NEBL: variants seen among roughly 807,000 people sequenced by gnomAD.
The protein encoded by NEBL is nebulette.
Under a neutral mutation model 140.2 loss-of-function variants are expected in NEBL, and 122 were observed. The observed-to-expected ratio is 0.87, with a 90% CI of 0.75 to 1.01. The LOEUF is 1.01. Ranked by LOEUF, NEBL falls within the 50% of genes least tolerant of loss-of-function variation. The pLI is 0.00. For missense variants in NEBL, 1,365 were observed against 1,231.3 expected (o/e 1.11, Z -1.62); for synonymous variants, 436 against 398.9 (o/e 1.09, Z -1.11).
rs559740992 is a variant in NEBL, at chr10:21,164,105, T to C, written c.164+8278A>G. 1.2e-4 allele frequency among the ~76,000 whole-genome samples: 18 copies of C among 152,336 alleles called. No homozygotes were observed. In the South Asian group the frequency reaches 2.3e-3, roughly 19 times the overall value. On this transcript the variant is annotated intron_variant, in intron 2 of 6. Transcript: ENST00000417816. The stretch of plus-strand genomic sequence containing the variant: ...TGAATTCAAATAGCCAACCTGAGCA[T>C]GGAAGAAATCAATAATAATCATTTT...
chr10:20,953,725 C>A (rs1286804011), intron 4 of NEBL, among the ~76,000 whole-genome samples: 2 of 151,674 alleles, frequency 1.3e-5, no homozygotes, highest in Non-Finnish European at 2.9e-5. Flanking sequence ...TATCAAGCAG[C>A]ACCAAAAAGA....
intron 2 of NEBL, among the ~76,000 whole-genome samples, chr10:21,036,886 A>C (rs1296035160): frequency 6.6e-6 from 1 of 152,114 alleles, no homozygotes; most frequent in Admixed American, 6.5e-5. Flanking sequence ...AACACTACTC[A>C]AGCGTAGAAT....
Position 21,146,468 on chromosome 10 carries a change from A to G in NEBL, c.164+25915T>C, listed in dbSNP as rs145410692. 4.0e-5 allele frequency: 65 copies of G among 1,613,936 alleles called. No homozygotes were observed. The Middle Eastern group carries it at 8.3e-4, about 20-fold the overall frequency. On this transcript the variant is annotated intron_variant, in intron 2 of 6. Transcript: ENST00000417816. ...AATATCTTCAGAAATTTCAGGTGCCATGCTTTCCATAGAGTAGATTCTTCT... is the reference window on the plus strand; with the variant it reads ...AATATCTTCAGAAATTTCAGGTGCCGTGCTTTCCATAGAGTAGATTCTTCT...
upstream of NEBL, among the ~76,000 whole-genome samples, chr10:21,179,330 C>A (rs1026367774): frequency 1.3e-5 from 2 of 152,148 alleles, no homozygotes; most frequent in African/African-American, 4.8e-5. Context: ...TATGAGACAT[C>A]AGTTTTCCCT....
At chr10:20,985,861 T>C (rs943346783) in intron 3 of NEBL, among the ~76,000 whole-genome samples, 3 of 152,314 alleles carry the variant, frequency 2.0e-5, no homozygotes, top group South Asian at 4.1e-4. Context: ...AAAATGTTGA[T>C]GCATTAGATT....
intron 2 of NEBL, among the ~76,000 whole-genome samples, chr10:21,114,602 CTA>C (rs1257928300): frequency 6.6e-6 from 1 of 152,028 alleles, no homozygotes; most frequent in Admixed American, 6.6e-5. Flanking sequence ...TTTAGGATTG[CTA>C]TGTTTTCTTG....
At chr10:21,115,475 A>C (rs1838240332) in intron 2 of NEBL, among the ~76,000 whole-genome samples, 1 of 151,886 alleles carries the variant, frequency 6.6e-6, no homozygotes, top group South Asian at 2.1e-4. Context: ...GTGTCTGGGA[A>C]GGTCTTTATT....
intron 2 of NEBL, among the ~76,000 whole-genome samples, chr10:21,055,364 C>T (rs932095731): frequency 7.2e-5 from 11 of 152,164 alleles, no homozygotes; most frequent in African/African-American, 2.7e-4. Context: ...GGCTAATTCA[C>T]GCACCCCAAA....
intron 26 of NEBL, among the ~76,000 whole-genome samples, chr10:20,796,869 T>G (rs1005159250): frequency 7.2e-5 from 11 of 152,190 alleles, no homozygotes; most frequent in African/African-American, 2.4e-4. Context: ...ATTATTCTCA[T>G]GGCACAAAAT....
upstream of NEBL, among the ~76,000 whole-genome samples, chr10:20,900,535 G>C (rs753091923): frequency 6.6e-6 from 1 of 151,482 alleles, no homozygotes; most frequent in Non-Finnish European, 1.5e-5. Context: ...AAAATTAGCC[G>C]GGCATGGGCT....
chr10:20,882,989 C>T (rs904740510), intron 4 of NEBL, among the ~76,000 whole-genome samples: 1 of 152,160 alleles, frequency 6.6e-6, no homozygotes, highest in Non-Finnish European at 1.5e-5. Flanking sequence ...GGAAGACACC[C>T]GTCACTGACT....
intron 1 of NEBL, among the ~76,000 whole-genome samples, chr10:21,262,296 T>C (rs1842749165): frequency 6.6e-6 from 1 of 152,148 alleles, no homozygotes; most frequent in African/African-American, 2.4e-5. Flanking sequence ...AATGCTTTGC[T>C]GGGGAAGAGG....
intron 3 of NEBL, among the ~76,000 whole-genome samples, chr10:20,989,447 C>T (rs1837376925): frequency 6.6e-6 from 1 of 152,048 alleles, no homozygotes; most frequent in African/African-American, 2.4e-5. Context: ...GTCTTCAAAT[C>T]GATATATAGC....
chr10:20,803,548 G>A (rs553886329), intron 26 of NEBL, among the ~76,000 whole-genome samples: 272 of 151,876 alleles, frequency 1.8e-3, no homozygotes, highest in Middle Eastern at 3.4e-3. Context: ...GAAAAATAGC[G>A]TTTCTAAATA....
At chr10:20,995,100 A>AC (rs1198104941) in intron 3 of NEBL, among the ~76,000 whole-genome samples, 1 of 152,068 alleles carries the variant, frequency 6.6e-6, no homozygotes, top group Non-Finnish European at 1.5e-5. Flanking sequence ...GGGCATGGGG[A>AC]CCCCCCTCAC....
intron 3 of NEBL, among the ~76,000 whole-genome samples, chr10:21,203,456 G>T (rs1025313954): frequency 1.3e-5 from 2 of 152,194 alleles, no homozygotes; most frequent in African/African-American, 2.4e-5. Context: ...TACCCAGGCA[G>T]TAGAATTTCT....
chr10:20,906,877 ACATT>A (rs201700991), intron 4 of NEBL, among the ~76,000 whole-genome samples: 1,603 of 152,228 alleles, frequency 0.011, 10 homozygotes, highest in Non-Finnish European at 0.015. Flanking sequence ...TTTCAATCAT[ACATT>A]CATTTATGAA....
chr10:20,959,237 G>A (rs758295648), intron 4 of NEBL, among the ~76,000 whole-genome samples: 5 of 152,026 alleles, frequency 3.3e-5, no homozygotes, highest in Non-Finnish European at 7.4e-5. Context: ...ATTAAACTTG[G>A]CACTCAAATG....
chr10:21,281,565 C>T (rs570852095), intron 1 of NEBL, among the ~76,000 whole-genome samples: 10 of 151,928 alleles, frequency 6.6e-5, no homozygotes, highest in Non-Finnish European at 1.3e-4. Flanking sequence ...GCAGAGTTCC[C>T]GCACAGCCCC....
Sources: gnomAD v4.1 joint callset for allele counts (sites outside exome capture counted in the v4.1 genomes callset) on GRCh38, gnomAD v4.1.1 for gene constraint, MANE v1.5 for transcripts, NCBI Gene and HGNC (gene_info 2026-07-23, HGNC 2026-07-21) for gene names.